The following CAPN5 variants were observed in gnomAD, a reference collection of about 807,000 sequenced individuals.
CAPN5 encodes calpain 5, also known as calpain-5.
CAPN5 carries 54 observed loss-of-function variants against 73.0 expected under a neutral mutation model. The ratio of observed to expected loss-of-function variants is 0.74; its 90% CI spans 0.59 to 0.93. The LOEUF (loss-of-function observed/expected upper bound fraction) is 0.93, where lower values mean the gene tolerates loss of function less well. CAPN5 is among the 40% of genes least tolerant of loss of function. The pLI is 0.00. For synonymous variants in CAPN5, 335 were observed against 356.9 expected (o/e 0.94, Z 0.69); for missense variants, 785 against 882.9 (o/e 0.89, Z 1.41).
rs140079181 is a variant in CAPN5 at position 77,112,755 on chromosome 11, G to A, written c.464G>A (p.Arg155His). 1.1e-4 allele frequency: 171 copies of A among 1,614,112 alleles called. No individual in the cohort carries two copies. The highest frequency in any genetic ancestry group is 2.2e-4 in the Admixed American group (13 of 60,000). ...CTCATCTACTGCCACTCCAACTCCC[G>A]CAATGAGTTTTGGTGCGCCCTAGTG... ...NQLIYCHSNSRNEFWCALVEK... is the reference protein window; with the variant it reads ...NQLIYCHSNSHNEFWCALVEK... Residue 155 changes from arginine (R) to histidine (H), a missense_variant, in exon 4 of 13, where the codon CGC (arginine) becomes CAC (histidine). Arg to His is a conservative substitution (Grantham distance 29). Coordinates refer to ENST00000648180, the MANE Select transcript of CAPN5 (RefSeq NM_004055.5).
chr11:77,071,088 A>C (rs1443487999), intron 1 of CAPN5, among the ~76,000 whole-genome samples: 1 of 152,070 alleles, frequency 6.6e-6, no homozygotes, highest in African/African-American at 2.4e-5. Context: ...AGCCCACCCC[A>C]GGAGCTGACA....
intron 3 of CAPN5, among the ~76,000 whole-genome samples, chr11:77,095,523 A>G (rs1308855070): frequency 2.0e-5 from 3 of 152,196 alleles, no homozygotes; most frequent in Admixed American, 2.0e-4. Context: ...GACCTGGAGT[A>G]GAGAAGGCTC....
chr11:77,112,465 T>A, intron 3 of CAPN5, 124 bp from the exon 4 acceptor site: 3 of 731,194 alleles, frequency 4.1e-6, no homozygotes, highest in Non-Finnish European at 7.0e-6. Context: ...TGTGGCAGAG[T>A]TGGAATCCGA....
At chr11:77,088,644 T>G (rs765291986) in intron 2 of CAPN5, among the ~76,000 whole-genome samples, 23 of 152,006 alleles carry the variant, frequency 1.5e-4, no homozygotes, top group Non-Finnish European at 3.2e-4. Context: ...ATTCATTCTG[T>G]GATCCTAGAT....
At chr11:77,103,031 G>C in intron 3 of CAPN5, 2 of 1,613,610 alleles carry the variant, frequency 1.2e-6, no homozygotes, top group Non-Finnish European at 1.7e-6. Flanking sequence ...AGCGGCTACA[G>C]TTCGAGCGCT....
intron 3 of CAPN5, among the ~76,000 whole-genome samples, chr11:77,101,504 A>AC (rs1555038835): frequency 6.6e-6 from 1 of 151,898 alleles, no homozygotes; most frequent in East Asian, 1.9e-4. Flanking sequence ...TCTGCCAATG[A>AC]CCCCCAGAAC....
intron 3 of CAPN5, among the ~76,000 whole-genome samples, chr11:77,107,380 T>C (rs1236729621): frequency 3.3e-5 from 5 of 152,180 alleles, no homozygotes; most frequent in African/African-American, 1.2e-4. Context: ...GCACTGGCCC[T>C]CTGGGGTCCC....
chr11:77,079,596 T>C (rs554169192), intron 1 of CAPN5, among the ~76,000 whole-genome samples: 1 of 152,218 alleles, frequency 6.6e-6, no homozygotes, highest in South Asian at 2.1e-4. Context: ...GCAATAGACA[T>C]TCTTGTACAT....
chr11:77,096,813 A>G (rs1410102987), intron 3 of CAPN5, among the ~76,000 whole-genome samples: 5 of 152,144 alleles, frequency 3.3e-5, no homozygotes, highest in Non-Finnish European at 7.4e-5. Flanking sequence ...CTCCTGGCCA[A>G]AAAAAAGCAT....
At position 77,120,878 on chromosome 11, in the gene CAPN5, C is replaced by A; in HGVS notation, c.1456C>A (p.Arg486=). The change falls in exon 10 of 13, where the codon CGA becomes AGA. Residue 486 remains arginine (R), a synonymous_variant. Transcript: ENST00000648180. ...AGGCCACACTGGCGAGTTCCTGCTCCGAGTCTTCACTGATGTGCCCTCCAA... is the reference window on the plus strand; with the variant it reads ...AGGCCACACTGGCGAGTTCCTGCTCAGAGTCTTCACTGATGTGCCCTCCAA... ...EPGHTGEFLL[R]VFTDVPSNCR... is the part of the protein sequence containing the mutation. 6.2e-7 allele frequency: 1 copy of A among 1,614,030 alleles called. No individual in the cohort carries two copies. Among genetic ancestry groups the A allele is most frequent in the South Asian group, 1.1e-5 (1 of 91,052 alleles).
chr11:77,103,416 A>G (rs1555039358), intron 3 of CAPN5: 2 of 1,485,340 alleles, frequency 1.3e-6, no homozygotes, highest in Admixed American at 2.0e-5. Flanking sequence ...TTTTGGGGCC[A>G]TTATTCTCGC....
chr11:77,093,210 C>G (rs528589844), intron 2 of CAPN5, among the ~76,000 whole-genome samples: 1 of 152,312 alleles, frequency 6.6e-6, no homozygotes, highest in Admixed American at 6.5e-5. Flanking sequence ...TTTGTGCTCC[C>G]CAGCTGGGAT....
chr11:77,110,058 A>G (rs1950395931), intron 3 of CAPN5, among the ~76,000 whole-genome samples: 1 of 150,976 alleles, frequency 6.6e-6, no homozygotes, highest in Non-Finnish European at 1.5e-5. Context: ...TTCTTTCTGG[A>G]CCTCAGTCTT....
chr11:77,089,542 G>C (rs1213133720), intron 2 of CAPN5, among the ~76,000 whole-genome samples: 1 of 152,186 alleles, frequency 6.6e-6, no homozygotes, highest in Non-Finnish European at 1.5e-5. Context: ...CAGAGGTGAG[G>C]GCCTGGGCTT....
At position 77,118,174 on chromosome 11, in the gene CAPN5, T is replaced by G; in HGVS notation, c.989T>G (p.Val330Gly). Residue 330 changes from valine to glycine, a missense_variant, in exon 8 of 13, where the codon GTG (valine) becomes GGG (glycine). Val to Gly is a moderately radical substitution (Grantham distance 109). Coordinates refer to ENST00000648180, the MANE Select transcript of CAPN5 (RefSeq NM_004055.5). Reference protein sequence around the residue: ...DGEFWMTFEDVCRYFTDIIKC... With the variant: ...DGEFWMTFEDGCRYFTDIIKC... The stretch of plus-strand genomic sequence containing the variant: ...ACATCCAGGATGACCTTCGAGGACG[T>G]GTGCCGGTACTTCACGGACATCATC... 6.2e-7 allele frequency: 1 copy of G among 1,612,974 alleles called. No individual in the cohort carries two copies. Among genetic ancestry groups the G allele is most frequent in the Non-Finnish European group, 8.5e-7 (1 of 1,179,202 alleles).
At chr11:77,080,931 G>A (rs1950021377) in intron 1 of CAPN5, among the ~76,000 whole-genome samples, 1 of 152,156 alleles carries the variant, frequency 6.6e-6, no homozygotes, top group South Asian at 2.1e-4. Flanking sequence ...AAGCTCCCTG[G>A]TGAGCACCCC....
At chr11:77,097,464 G>GTTTTTTTTTTTTTTTT (rs58077755) in intron 3 of CAPN5, among the ~76,000 whole-genome samples, 1 of 79,740 alleles carries the variant, frequency 1.3e-5, no homozygotes, top group Non-Finnish European at 2.3e-5. Flanking sequence ...TTTCCTTCTA[G>GTTTTTTTTTTTTTTTT]TTTTTTTTTT....
chr11:77,119,071 C>A lies in CAPN5; in HGVS notation c.1209C>A (p.Ile403=). The change falls in exon 9 of 13, where the codon ATC becomes ATA. Residue 403 remains isoleucine (I), a synonymous_variant. Transcript: ENST00000648180. ...EVKKPEDEVL[I]CIQQRPKRST... ...AGAAGCCAGAAGATGAAGTCCTGAT[C>A]TGCATCCAGCAGCGGCCAAAGCGGT... The A allele has an allele frequency of 6.2e-7, 1 of 1,614,102 alleles. No homozygotes were observed. The highest frequency in any genetic ancestry group is 8.5e-7 in the Non-Finnish European group (1 of 1,179,996).
chr11:77,076,478 A>G (rs782607146), intron 1 of CAPN5, among the ~76,000 whole-genome samples: 16 of 152,084 alleles, frequency 1.1e-4, no homozygotes, highest in Non-Finnish European at 1.9e-4. Context: ...ATCTAACTGA[A>G]ATTTTGTGTC....
Sources: allele counts gnomAD v4.1 joint callset (sites outside exome capture counted in the v4.1 genomes callset), GRCh38; gene constraint gnomAD v4.1.1; transcripts MANE v1.5; gene names NCBI Gene and HGNC (gene_info 2026-07-23, HGNC 2026-07-21).